Variants in MRPL42 observed in about 807,000 individuals in gnomAD.
MRPL42 encodes large ribosomal subunit protein mL42.
Under a neutral mutation model 17.9 loss-of-function variants are expected in MRPL42, and 17 were observed. The ratio of observed to expected loss-of-function variants is 0.95; its 90% CI spans 0.65 to 1.42. MRPL42 has a LOEUF of 1.42. MRPL42 is among the 40% of genes most tolerant of loss of function. The pLI is 0.00. For missense variants in MRPL42, 177 were observed against 175.2 expected (o/e 1.01, Z -0.06); for synonymous variants, 59 against 54.4 (o/e 1.08, Z -0.37).
At chr12:93,486,785 A>G (rs1241805735) in intron 4 of MRPL42, among the ~76,000 whole-genome samples, 1 of 152,202 alleles carries the variant, frequency 6.6e-6, no homozygotes, top group Non-Finnish European at 1.5e-5. Context: ...GTACTTTATT[A>G]CTGCAGAAAA....
intron 2 of MRPL42, among the ~76,000 whole-genome samples, chr12:93,471,289 G>A (rs1056229247): frequency 5.3e-5 from 8 of 151,834 alleles, no homozygotes; most frequent in Admixed American, 1.3e-4. Flanking sequence ...TCAGCCTCCC[G>A]AGTAGCTGGG....
intron 4 of MRPL42, among the ~76,000 whole-genome samples, chr12:93,481,008 A>G (rs1289927021): frequency 6.6e-6 from 1 of 152,154 alleles, no homozygotes; most frequent in African/African-American, 2.4e-5. Context: ...TAAACCCTCC[A>G]GGTCACACTA....
chr12:93,487,406 C>G, intron 4 of MRPL42, 91 bp from the exon 5 acceptor site: 1 of 1,218,328 alleles, frequency 8.2e-7, no homozygotes, highest in South Asian at 1.5e-5. Context: ...TAGTGAATTA[C>G]TGAATATGGT....
At position 93,511,543 on chromosome 12, in the gene MRPL42, A is replaced by G. The variant is rs182290550; in HGVS notation, c.*10322A>G. ...AATTACCAGTTACCAACACACAACA[A>G]TTTGAAATATCCAGGAAGATCAACC... On this transcript the variant is annotated 3_prime_UTR_variant, in exon 6 of 6. Transcript: ENST00000549982. The G allele has an allele frequency of 2.0e-3, 305 of 152,306 alleles. 2 individuals are homozygous for G. The highest frequency in any genetic ancestry group is 7.1e-3 in the African/African-American group (294 of 41,578). The allele number at this position is 152,306 out of a possible 1,614,324, so 9.4% of individuals were successfully genotyped here.
At chr12:93,483,724 TA>T (rs1015046879) in intron 4 of MRPL42, among the ~76,000 whole-genome samples, 10 of 152,044 alleles carry the variant, frequency 6.6e-5, no homozygotes, top group African/African-American at 2.4e-4. Context: ...ACCAAATTTT[TA>T]AAAAAATATT....
rs1027495047 is a variant in MRPL42, at chr12:93,514,329, C to G, written c.*13108C>G. The G allele has an allele frequency of 4.9e-5, 7 of 142,348 alleles. No homozygotes were observed. Among genetic ancestry groups the G allele is most frequent in the Admixed American group, 1.5e-4 (2 of 13,694 alleles). 8.8% of individuals were successfully genotyped at this position (142,348 alleles called of 1,614,324 possible). A position where few individuals can be genotyped will look rare whatever the true frequency, so the allele number is the denominator to read the frequency against. ...TTTTTTTTTTTTGAGATGGCGTCTC[C>G]TCTGTCAATCTCGGTTCATTGCAAC... is the stretch of plus-strand genomic sequence containing the variant. On this transcript the variant is annotated 3_prime_UTR_variant, in exon 6 of 6. Transcript: ENST00000549982.
intron 5 of MRPL42, among the ~76,000 whole-genome samples, chr12:93,496,441 A>G (rs1953506258): frequency 6.6e-6 from 1 of 152,154 alleles, no homozygotes; most frequent in African/African-American, 2.4e-5. Context: ...ACATTAATAG[A>G]TACCTAATAA....
At position 93,477,047 on chromosome 12, in the gene MRPL42, A is replaced by G. The variant is rs774985811; in HGVS notation, c.134+30A>G. On this transcript the variant is annotated intron_variant, in intron 3 of 5. Coordinates refer to ENST00000549982, the MANE Select transcript of MRPL42 (RefSeq NM_014050.4). ...GTATTAAAATTCAATTGAAGAAATA[A>G]TAGTCTTAGCTATAGCTGAAATGAT... The G allele has an allele frequency of 8.2e-6, 12 of 1,455,344 alleles. No individual in the cohort carries two copies. In the Admixed American group the frequency reaches 1.8e-4, roughly 21 times the overall value. The allele number at this position is 1,455,344 out of a possible 1,614,324, so 90.2% of individuals were successfully genotyped here.
In MRPL42 at chr12:93,479,438, A is replaced by G. The variant is rs200510753; in HGVS notation, c.185A>G (p.His62Arg). 1 of 1,611,478 alleles carries G rather than the reference A, an allele frequency of 6.2e-7. No individual in the cohort carries two copies. Among genetic ancestry groups the G allele is most frequent in the Non-Finnish European group, 8.5e-7 (1 of 1,178,746 alleles). ...GATGGCAGGACAATAGTATGCTACC[A>G]CCCTTCTGTGGACATTCCATATGAA... ...TSDGRTIVCY[H>R]PSVDIPYEHT... The change falls in exon 4 of 6, where the codon CAC (histidine) becomes CGC (arginine). Residue 62 changes from histidine (H) to arginine (R), a missense_variant. Coordinates refer to ENST00000549982, the MANE Select transcript of MRPL42 (RefSeq NM_014050.4).
chr12:93,470,616 C>G, intron 2 of MRPL42: 2 of 1,148,142 alleles, frequency 1.7e-6, no homozygotes, highest in Non-Finnish European at 2.2e-6. Context: ...TTCCCTCCAT[C>G]CCTCCATTCT....
intron 5 of MRPL42, among the ~76,000 whole-genome samples, chr12:93,489,133 C>T (rs1156303137): frequency 6.6e-6 from 1 of 152,000 alleles, no homozygotes; most frequent in East Asian, 1.9e-4. Context: ...AACATAATCC[C>T]CAGTTACAAA....
chr12:93,472,358 A>G (rs12297978), intron 2 of MRPL42, among the ~76,000 whole-genome samples: 78,435 of 151,950 alleles, frequency 0.52, 20,317 homozygotes, highest in Non-Finnish European at 0.53. Context: ...GGCAGGCTGA[A>G]GCAGGCTCTG....
rs1421816289 is a variant in MRPL42 at position 93,513,194 on chromosome 12, T to TTC, written c.*11974_*11975insCT. On this transcript the variant is annotated 3_prime_UTR_variant, in exon 6 of 6. Coordinates refer to ENST00000549982, the MANE Select transcript of MRPL42 (RefSeq NM_014050.4). The stretch of plus-strand genomic sequence containing the variant: ...TTGTGACATTTAGAATTTTTTTTTT[T>TTC]TTTTTTTTTTTTTGAGAGAGAGGGT... The TTC allele has an allele frequency of 6.9e-6, 1 of 144,370 alleles. No individual in the cohort carries two copies. Among genetic ancestry groups the TTC allele is most frequent in the East Asian group, 2.0e-4 (1 of 5,100 alleles). The allele number at this position is 144,370 out of a possible 1,614,324, so 8.9% of individuals were successfully genotyped here.
chr12:93,494,818 G>A (rs7132815), intron 5 of MRPL42, among the ~76,000 whole-genome samples: 101,930 of 152,016 alleles, frequency 0.67, 34,419 homozygotes, highest in Middle Eastern at 0.73. Context: ...GGAGATGAAA[G>A]GGAAGCACCA....
chr12:93,481,227 C>T (rs1237422518), intron 4 of MRPL42, among the ~76,000 whole-genome samples: 1 of 152,316 alleles, frequency 6.6e-6, no homozygotes, highest in Admixed American at 6.5e-5. Flanking sequence ...AAATCTCTTA[C>T]AATCTTAGCC....
chr12:93,480,551 T>C (rs1051061309), intron 4 of MRPL42, among the ~76,000 whole-genome samples: 1 of 151,600 alleles, frequency 6.6e-6, no homozygotes, highest in African/African-American at 2.4e-5. Context: ...CTTTTCTTTT[T>C]TTTTTTTTGA....
At chr12:93,484,743 T>C (rs1180072049) in intron 4 of MRPL42, among the ~76,000 whole-genome samples, 1 of 151,382 alleles carries the variant, frequency 6.6e-6, no homozygotes, top group Non-Finnish European at 1.5e-5. Flanking sequence ...GTTACAGGCA[T>C]GCACCACAAC....
chr12:93,472,083 G>C (rs374584871), intron 2 of MRPL42, among the ~76,000 whole-genome samples: 8 of 152,116 alleles, frequency 5.3e-5, no homozygotes, highest in African/African-American at 1.9e-4. Context: ...ATTCATTTTG[G>C]TGTCCCTGGG....
In MRPL42 at chr12:93,480,832, G is replaced by A. The variant is rs534344816; in HGVS notation, c.219+1360G>A. Among the ~76,000 whole-genome samples, 4 of 152,134 alleles carry A rather than the reference G, an allele frequency of 2.6e-5. No individual in the cohort carries two copies. The South Asian group carries it at 8.3e-4, about 32-fold the overall frequency. On this transcript the variant is annotated intron_variant, in intron 4 of 5. Transcript: ENST00000549982. Reference sequence around the variant, plus strand: ...TGGGATTACAGGTATGAGCCACCGCGCCCGACAAATAATTTCTGTATTCCT... The same window carrying A: ...TGGGATTACAGGTATGAGCCACCGCACCCGACAAATAATTTCTGTATTCCT...
Sources: gnomAD v4.1 joint callset for allele counts (sites outside exome capture counted in the v4.1 genomes callset) on GRCh38, gnomAD v4.1.1 for gene constraint, MANE v1.5 for transcripts, NCBI Gene and HGNC (gene_info 2026-07-23, HGNC 2026-07-21) for gene names.